The following GNPTAB variants were observed in gnomAD, a reference collection of about 807,000 sequenced individuals.
GNPTAB encodes the protein N-acetylglucosamine-1-phosphotransferase subunits alpha/beta.
GNPTAB carries 92 observed loss-of-function variants against 136.6 expected under a neutral mutation model. That is an observed-to-expected ratio of 0.67 (90% CI 0.57 to 0.80). The LOEUF is 0.80. Among genes scored for constraint, GNPTAB ranks in the 30% least tolerant of loss-of-function variants. The pLI, the probability that GNPTAB is intolerant of heterozygous loss-of-function variation, is 0.00. For synonymous variants in GNPTAB, 512 were observed against 535.1 expected (o/e 0.96, Z 0.60); for missense variants, 1,343 against 1,501.8 (o/e 0.89, Z 1.75).
chr12:101,781,847 T>C lies in GNPTAB; in HGVS notation c.572-1226A>G, dbSNP rs570245408. 3.2e-4 allele frequency among the ~76,000 whole-genome samples: 48 copies of C among 152,354 alleles called. No homozygotes were observed. The Middle Eastern group carries it at 0.014, about 43-fold the overall frequency. ...CTCTTTCCATTGATATGATGAATTC[T>C]ACCTAACAGACCTGGTATATGTATT... On this transcript the variant is annotated intron_variant, in intron 5 of 20. Coordinates refer to ENST00000299314, the MANE Select transcript of GNPTAB (RefSeq NM_024312.5).
At chr12:101,810,353 TG>T (rs1296452191) in intron 1 of GNPTAB, among the ~76,000 whole-genome samples, 1 of 151,212 alleles carries the variant, frequency 6.6e-6, no homozygotes, top group Non-Finnish European at 1.5e-5. Flanking sequence ...ATAATTTTTC[TG>T]TAAACCTAAA....
chr12:101,761,536 A>G, intron 14 of GNPTAB, 28 bp downstream of exon 14: 1 of 1,603,742 alleles, frequency 6.2e-7, no homozygotes, highest in South Asian at 1.1e-5. Context: ...GAACACAAGC[A>G]AACAACTCAA....
intron 7 of GNPTAB, among the ~76,000 whole-genome samples, chr12:101,772,120 C>A (rs1040458343): frequency 1.3e-5 from 2 of 152,168 alleles, no homozygotes; most frequent in Non-Finnish European, 2.9e-5. Flanking sequence ...GCTTTGCCAC[C>A]CCTACGAAAG....
intron 1 of GNPTAB, among the ~76,000 whole-genome samples, chr12:101,801,485 A>G (rs2137164742): frequency 7.5e-6 from 1 of 133,080 alleles, no homozygotes; most frequent in East Asian, 2.4e-4. Flanking sequence ...AGTTGCAGTG[A>G]GCATTTACTG....
At position 101,770,056 on chromosome 12, in the gene GNPTAB, G is replaced by A; in HGVS notation, c.1249C>T (p.Pro417Ser). 6.2e-7 allele frequency: 1 copy of A among 1,614,066 alleles called. No individual in the cohort carries two copies. The highest frequency in any genetic ancestry group is 1.1e-5 in the South Asian group (1 of 91,080). ...DDVMFGKDVW[P>S]DDFYSHSKGQ... ...TTGGAGTGACTGTAAAAATCATCTG[G>A]CCAGACATCCTTCCCAAACATGACA... is the stretch of plus-strand genomic sequence containing the variant. The change falls in exon 10 of 21, where the codon CCA (proline) becomes TCA (serine). Residue 417 changes from proline to serine, a missense_variant. Coordinates refer to ENST00000299314, the MANE Select transcript of GNPTAB (RefSeq NM_024312.5).
intron 19 of GNPTAB, among the ~76,000 whole-genome samples, chr12:101,750,085 T>C (rs534525197): frequency 6.6e-6 from 1 of 152,132 alleles, no homozygotes; most frequent in Non-Finnish European, 1.5e-5. Flanking sequence ...GAAGAGACAT[T>C]CCTGAGGTAG....
chr12:101,807,217 G>A (rs961258940), intron 1 of GNPTAB, among the ~76,000 whole-genome samples: 1 of 152,170 alleles, frequency 6.6e-6, no homozygotes, highest in African/African-American at 2.4e-5. Context: ...AAAAGCATTT[G>A]ACAATCCAAC....
At chr12:101,790,555 C>T (rs58774153) in intron 2 of GNPTAB, among the ~76,000 whole-genome samples, 11,931 of 152,104 alleles carry the variant, frequency 0.078, 588 homozygotes, top group Middle Eastern at 0.18. Flanking sequence ...CACTTGAGCC[C>T]AGGAGTTTGA....
chr12:101,820,770 T>TCTCCCAGCTGGGCACAGTGG (rs1265705218), intron 1 of GNPTAB, among the ~76,000 whole-genome samples: 1 of 152,024 alleles, frequency 6.6e-6, no homozygotes, highest in Non-Finnish European at 1.5e-5. Context: ...CAAGAAAGCA[T>TCTCCCAGCTGGGCACAGTGG]CTCCCAGCTG....
chr12:101,776,826 T>C lies in GNPTAB; in HGVS notation c.771+3326A>G, dbSNP rs578235228. 3.3e-5 allele frequency among the ~76,000 whole-genome samples: 5 copies of C among 152,296 alleles called. 1 individual carries two copies. The highest frequency in any genetic ancestry group is 9.6e-5 in the African/African-American group (4 of 41,552). ...TGAGATACCCGTGGCCTAGTGAGAA[T>C]CTGTAGGGCAGAGCTGAGCTGAGCC... On this transcript the variant is annotated intron_variant, in intron 7 of 20. Coordinates refer to ENST00000299314, the MANE Select transcript of GNPTAB (RefSeq NM_024312.5).
At chr12:101,747,830 A>T (rs1409799914) in intron 20 of GNPTAB, among the ~76,000 whole-genome samples, 1 of 99,044 alleles carries the variant, frequency 1.0e-5, no homozygotes, top group Non-Finnish European at 2.4e-5. Context: ...TTGGGATTTA[A>T]CCTGCCCTTC....
chr12:101,770,330 T>C, intron 9 of GNPTAB, 76 bp downstream of exon 9: 1 of 1,378,818 alleles, frequency 7.3e-7, no homozygotes, highest in Non-Finnish European at 1.0e-6. Context: ...GGGAATGAAA[T>C]TATGGAAATC....
chr12:101,810,879 G>T (rs564220897), intron 1 of GNPTAB, among the ~76,000 whole-genome samples: 1 of 152,148 alleles, frequency 6.6e-6, no homozygotes, highest in Non-Finnish European at 1.5e-5. Context: ...CAGATGATCT[G>T]GGGGGAGTGC....
At chr12:101,800,477 G>A (rs1254031829) in intron 1 of GNPTAB, among the ~76,000 whole-genome samples, 2 of 151,844 alleles carry the variant, frequency 1.3e-5, no homozygotes, top group East Asian at 3.9e-4. Flanking sequence ...ACAAAATTAG[G>A]GCTAGGTGCA....
rs1054100106 is a variant in GNPTAB at position 101,768,112 on chromosome 12, A to G, written c.1333T>C (p.Ser445Pro). 2 of 1,614,032 alleles carry G rather than the reference A, an allele frequency of 1.2e-6. No individual in the cohort carries two copies. Among genetic ancestry groups the G allele is most frequent in the African/African-American group, 2.7e-5 (2 of 74,948 alleles). ...TCACAATAGCCATCCTTAATCCAGGAACCTGGGCAGCCCTCGGCACAGTTT... is the reference window on the plus strand; with the variant it reads ...TCACAATAGCCATCCTTAATCCAGGGACCTGGGCAGCCCTCGGCACAGTTT... ...VPNCAEGCPG[S>P]WIKDGYCDKA... The change falls in exon 11 of 21, where the codon TCC (serine) becomes CCC (proline). Residue 445 changes from serine (S) to proline (P), a missense_variant. By Grantham distance (74) the Ser-to-Pro change is moderately conservative. Transcript: ENST00000299314.
chr12:101,779,827 C>A (rs1953313170), intron 7 of GNPTAB: 14 of 359,324 alleles, frequency 3.9e-5, no homozygotes, highest in Non-Finnish European at 6.9e-5. Context: ...TACGGCCATA[C>A]CACCCTGAAC....
At chr12:101,747,378 CCAT>C (rs1952749555) in intron 20 of GNPTAB, 137 bp from the exon 21 acceptor site, 2 of 661,302 alleles carry the variant, frequency 3.0e-6, no homozygotes, top group South Asian at 3.3e-5. Context: ...AAACAAATCT[CCAT>C]CATTCCTCTT....
At chr12:101,826,520 T>C (rs923442820) in intron 1 of GNPTAB, among the ~76,000 whole-genome samples, 76 of 139,886 alleles carry the variant, frequency 5.4e-4, no homozygotes, top group Non-Finnish European at 9.0e-4. Flanking sequence ...TTTTTTTTTT[T>C]CAAAACAGAC....
At chr12:101,811,220 A>G (rs1292231454) in intron 1 of GNPTAB, among the ~76,000 whole-genome samples, 1 of 152,194 alleles carries the variant, frequency 6.6e-6, no homozygotes. Flanking sequence ...ACGAAATAGT[A>G]ACATCTTAGA....
Sources: allele counts gnomAD v4.1 joint callset (sites outside exome capture counted in the v4.1 genomes callset), GRCh38; gene constraint gnomAD v4.1.1; transcripts MANE v1.5; gene names NCBI Gene and HGNC (gene_info 2026-07-23, HGNC 2026-07-21).